The following DST variants were observed in gnomAD, a reference collection of about 807,000 sequenced individuals.
DST encodes dystonin.
A neutral mutation model predicts 875.2 loss-of-function variants in DST; 253 were observed. The ratio of observed to expected loss-of-function variants is 0.29; its 90% CI spans 0.26 to 0.32. The LOEUF (loss-of-function observed/expected upper bound fraction) is 0.32, where lower values mean the gene tolerates loss of function less well. DST is among the 10% of genes least tolerant of loss of function. DST has a pLI of 1.00. For synonymous variants in DST, 3,124 were observed against 3,197.1 expected, an observed-to-expected ratio of 0.98 and a Z score of 0.77; for missense variants, 8,287 against 9,111.6, an observed-to-expected ratio of 0.91 and a Z score of 3.68.
intron 90 of DST, among the ~76,000 whole-genome samples, chr6:56,478,277 A>G (rs1467755722): frequency 6.6e-6 from 1 of 152,196 alleles, no homozygotes; most frequent in African/African-American, 2.4e-5. Flanking sequence ...TGGGTAAGGA[A>G]AGATAAATGT....
intron 13 of DST, among the ~76,000 whole-genome samples, chr6:56,647,006 T>C (rs1366780419): frequency 6.6e-6 from 1 of 152,224 alleles, no homozygotes; most frequent in African/African-American, 2.4e-5. Flanking sequence ...CCCCATGATG[T>C]ATTTTCTTTC....
Position 56,506,422 on chromosome 6 carries a change from C to G in DST, c.19464+21G>C, listed in dbSNP as rs760689785. ...TTCCTCCTTCCAGCTAAGACCAGCA[C>G]ATACACTGTAATCCCCTTACCTGCA... is the stretch of plus-strand genomic sequence containing the variant. On this transcript the variant is annotated intron_variant, in intron 77 of 103. Transcript: ENST00000680361. The G allele has an allele frequency of 3.8e-6, 6 of 1,590,226 alleles. No individual in the cohort carries two copies. The East Asian group carries it at 1.3e-4, about 36-fold the overall frequency.
intron 9 of DST, among the ~76,000 whole-genome samples, chr6:56,679,520 T>C (rs1390647833): frequency 6.6e-6 from 1 of 150,826 alleles, no homozygotes; most frequent in Non-Finnish European, 1.5e-5. Flanking sequence ...CCCAACACTT[T>C]GGGAGGCCAA....
intron 4 of DST, among the ~76,000 whole-genome samples, chr6:56,781,489 G>A (rs989271571): frequency 2.6e-5 from 4 of 152,190 alleles, no homozygotes; most frequent in African/African-American, 9.7e-5. Context: ...AAGCAACTGT[G>A]AATGGGAGTT....
At chr6:56,745,191 G>C (rs1364965798) in intron 4 of DST, among the ~76,000 whole-genome samples, 1 of 152,170 alleles carries the variant, frequency 6.6e-6, no homozygotes, top group African/African-American at 2.4e-5. Context: ...CTCCATAGGT[G>C]AAAGTATACA....
chr6:56,712,556 T>C (rs1235835861), intron 5 of DST, among the ~76,000 whole-genome samples: 2 of 152,208 alleles, frequency 1.3e-5, no homozygotes, highest in Non-Finnish European at 1.5e-5. Context: ...ATAATACTAA[T>C]AGCTAATTAG....
chr6:56,938,735 A>C (rs1170651367), intron 2 of DST, among the ~76,000 whole-genome samples: 1 of 152,196 alleles, frequency 6.6e-6, no homozygotes, highest in Non-Finnish European at 1.5e-5. Flanking sequence ...AGACTTCAAG[A>C]GGCCTCATGC....
At chr6:56,580,947 C>G (rs2097972017) in intron 49 of DST, among the ~76,000 whole-genome samples, 1 of 150,054 alleles carries the variant, frequency 6.7e-6, no homozygotes, top group Admixed American at 6.7e-5. Flanking sequence ...ATTGCACAGG[C>G]TGGTCTCAAA....
chr6:56,520,224 T>TA (rs1347762548), intron 69 of DST, among the ~76,000 whole-genome samples: 1 of 151,878 alleles, frequency 6.6e-6, no homozygotes, highest in East Asian at 1.9e-4. Context: ...GAAAATAACT[T>TA]AAAAAATAAT....
In DST at chr6:56,458,412, T is replaced by C. The variant is rs2094169636; in HGVS notation, c.*593A>G. ...AGTATAATAGGTCTAATATCCAGGA[T>C]GCCTCTGGCCTCATTGAAAGCAATG... On this transcript the variant is annotated 3_prime_UTR_variant, in exon 104 of 104. Transcript: ENST00000680361. The C allele has an allele frequency of 1.3e-5, 2 of 152,292 alleles. No homozygotes were observed. The highest frequency in any genetic ancestry group is 2.9e-5 in the Non-Finnish European group (2 of 68,058). 9.4% of individuals were successfully genotyped at this position (152,292 alleles called of 1,614,324 possible). A position where few individuals can be genotyped will look rare whatever the true frequency, so the allele number is the denominator to read the frequency against.
chr6:56,663,430 C>T (rs773350590), intron 10 of DST, among the ~76,000 whole-genome samples: 5 of 152,244 alleles, frequency 3.3e-5, no homozygotes, highest in Non-Finnish European at 7.3e-5. Context: ...GGCCAAACTA[C>T]AGCCCATGGC....
intron 4 of DST, among the ~76,000 whole-genome samples, chr6:56,842,047 G>A (rs2099800703): frequency 6.6e-6 from 1 of 151,878 alleles, no homozygotes; most frequent in African/African-American, 2.4e-5. Flanking sequence ...GTGTATTTGG[G>A]CTTTTTGGGG....
intron 2 of DST, among the ~76,000 whole-genome samples, chr6:56,944,094 G>A (rs1818167897): frequency 6.6e-6 from 1 of 152,070 alleles, no homozygotes; most frequent in Admixed American, 6.5e-5. Context: ...TCCAGCCTGG[G>A]CAACAGAGAG....
chr6:56,779,954 C>T (rs1274307076), intron 4 of DST, among the ~76,000 whole-genome samples: 2 of 141,786 alleles, frequency 1.4e-5, no homozygotes, highest in Non-Finnish European at 3.0e-5. Context: ...CAATTCCCAT[C>T]TATGAGTGAG....
Position 56,470,283 on chromosome 6 carries a change from C to CT in DST, c.22322-2dup. The CT allele has an allele frequency of 6.3e-7, 1 of 1,592,280 alleles. No individual in the cohort carries two copies. The highest frequency in any genetic ancestry group is 8.6e-7 in the Non-Finnish European group (1 of 1,167,530). ...ATCTCCAAGCGACTGGTTGGAAACT[C>CT]TAAAATTTTGAAAACAATGGTAAGT... On this transcript the variant is annotated splice_acceptor_variant, in intron 95 of 103. Transcript: ENST00000680361. LOFTEE classifies it high-confidence loss of function.
rs547787009 is a variant in DST, at chr6:56,849,199, A to C, written c.625+2198T>G. Among the ~76,000 whole-genome samples the C allele has an allele frequency of 2.9e-4, 41 of 143,546 alleles. No homozygotes were observed. In the East Asian group the frequency reaches 6.8e-3, roughly 24 times the overall value. The allele number at this position is 143,546 out of a possible 152,430, so 94.2% of individuals were successfully genotyped here. A position where few individuals can be genotyped will look rare whatever the true frequency, so the allele number is the denominator to read the frequency against. On this transcript the variant is annotated intron_variant, in intron 4 of 103. Transcript: ENST00000680361. ...GTTGCCAGGCTGGAGTGCAGTGGCA[A>C]GATCTCAGCTCACTGCAACATCTGC... is the stretch of plus-strand genomic sequence containing the variant.
Position 56,468,983 on chromosome 6 carries a change from T to C in DST, c.22568A>G (p.Gln7523Arg). ...AGAATACATTCCACTGGTTTATACC[T>C]GATTTCCCAGGAAGAACTGATAAAA... ...DNKYRFFLGN[Q>R]FGDSQQLRLV... The change falls in exon 98 of 104, where the codon CAG becomes CGG. Residue 7523 changes from glutamine to arginine, a missense_variant and splice_region_variant. Gln to Arg is a conservative substitution (Grantham distance 43, BLOSUM62 1). This residue lies in a region of DST where 87 missense variants were observed against 209.7 expected (regional missense o/e 0.41). Transcript: ENST00000680361. 6.3e-7 allele frequency: 1 copy of C among 1,578,784 alleles called. No homozygotes were observed. Among genetic ancestry groups the C allele is most frequent in the Non-Finnish European group, 8.6e-7 (1 of 1,160,472 alleles).
At position 56,552,247 on chromosome 6, in the gene DST, T is replaced by C. The variant is rs1562732361; in HGVS notation, c.16545A>G (p.Glu5515=). ...SILLQKAEEH[E]ESQGPVGMET... ...CCATACCAACAGGACCTTGTGACTC[T>C]TCATGTTCTTCGGCTTTCTGGAGCA... The change falls in exon 61 of 104, where the codon GAA becomes GAG. Residue 5515 remains glutamate (E), a synonymous_variant. Coordinates refer to ENST00000680361, the MANE Select transcript of DST (RefSeq NM_001374736.1). The C allele has an allele frequency of 1.9e-6, 3 of 1,614,004 alleles. No homozygotes were observed. Among genetic ancestry groups the C allele is most frequent in the East Asian group, 4.5e-5 (2 of 44,886 alleles).
rs2152765596 is a variant in DST at position 56,634,595 on chromosome 6, C to G, written c.3361G>C (p.Glu1121Gln). The change falls in exon 26 of 104, where the codon GAA becomes CAA. Residue 1121 changes from glutamate to glutamine, a missense_variant. By Grantham distance (29) the Glu-to-Gln change is conservative. Transcript: ENST00000680361. Reference protein sequence around the residue: ...QIEITIYKDDECVLANNSHRA... With the variant: ...QIEITIYKDDQCVLANNSHRA... The stretch of plus-strand genomic sequence containing the variant: ...TGAGAGTTATTCGCCAAAACACATT[C>G]ATCGTCTTTGTAAATGGTTATCTGG... 1.9e-6 allele frequency: 3 copies of G among 1,614,166 alleles called. No homozygotes were observed. The highest frequency in any genetic ancestry group is 3.3e-4 in the Middle Eastern group (2 of 6,062).
Sources: gnomAD v4.1 joint callset for allele counts (sites outside exome capture counted in the v4.1 genomes callset) on GRCh38, gnomAD v4.1.1 for gene constraint, gnomAD v4.1.1 regional missense constraint, MANE v1.5 for transcripts, NCBI Gene and HGNC (gene_info 2026-07-23, HGNC 2026-07-21) for gene names.